Variants in WWTR1 observed in about 807,000 individuals in gnomAD.
WWTR1 encodes the protein WW domain-containing transcription regulator protein 1.
A neutral mutation model predicts 40.1 loss-of-function variants in WWTR1; 13 were observed. The observed-to-expected ratio is 0.32, with a 90% CI of 0.21 to 0.52. The LOEUF is 0.52. Ranked by LOEUF, WWTR1 falls within the 20% of genes least tolerant of loss-of-function variation. The pLI, the probability that WWTR1 is intolerant of heterozygous loss-of-function variation, is 0.97. For missense variants in WWTR1, 436 were observed against 523.1 expected, an observed-to-expected ratio of 0.83 and a Z score of 1.63; for synonymous variants, 230 against 210.1, an observed-to-expected ratio of 1.09 and a Z score of -0.82.
chr3:149,671,557 A>C (rs1714090845), intron 1 of WWTR1, among the ~76,000 whole-genome samples: 1 of 152,214 alleles, frequency 6.6e-6, no homozygotes, highest in Admixed American at 6.5e-5. Context: ...TGTTTGAATA[A>C]TTGCAAAGGT....
upstream of WWTR1, among the ~76,000 whole-genome samples, chr3:149,662,590 A>T (rs2108176234): frequency 6.6e-6 from 1 of 152,194 alleles, no homozygotes; most frequent in Non-Finnish European, 1.5e-5. Flanking sequence ...TCACGACAGG[A>T]CCTTATCTCA....
chr3:149,657,457 A>T, intron 1 of WWTR1, 148 bp from the exon 2 acceptor site: 1 of 944,066 alleles, frequency 1.1e-6, no homozygotes, highest in Non-Finnish European at 1.5e-6. Flanking sequence ...GAGATCCCAG[A>T]CACTCAGCGG....
chr3:149,548,946 T>C, intron 3 of WWTR1, among the ~76,000 whole-genome samples: 1 of 152,106 alleles, frequency 6.6e-6, no homozygotes, highest in South Asian at 2.1e-4. Flanking sequence ...TTCCTAACAG[T>C]ACTTCGGTTC....
intron 2 of WWTR1, among the ~76,000 whole-genome samples, chr3:149,632,444 A>T (rs1711589993): frequency 6.6e-6 from 1 of 152,148 alleles, no homozygotes. Context: ...TACAAAGCTC[A>T]TGAGTACTCT....
At chr3:149,719,290 C>T (rs1715690819) in intron 4 of WWTR1, among the ~76,000 whole-genome samples, 1 of 151,970 alleles carries the variant, frequency 6.6e-6, no homozygotes, top group African/African-American at 2.4e-5. Flanking sequence ...TGGGCCTCAG[C>T]CTCCTGAGTA....
At chr3:149,626,338 C>G (rs1040016945) in intron 2 of WWTR1, among the ~76,000 whole-genome samples, 1 of 152,272 alleles carries the variant, frequency 6.6e-6, no homozygotes, top group Admixed American at 6.5e-5. Context: ...CAGCAGACCA[C>G]GTCCTATAAC....
intron 2 of WWTR1, among the ~76,000 whole-genome samples, chr3:149,634,608 G>A (rs1190180636): frequency 6.6e-6 from 1 of 152,198 alleles, no homozygotes; most frequent in Non-Finnish European, 1.5e-5. Context: ...CAAGGTCCAT[G>A]CACAATAAAT....
chr3:149,718,209 T>C (rs946890281), intron 4 of WWTR1, among the ~76,000 whole-genome samples: 1 of 152,308 alleles, frequency 6.6e-6, no homozygotes, highest in Non-Finnish European at 1.5e-5. Context: ...CGTTCTTTTT[T>C]TCCCCATAAT....
intron 3 of WWTR1, 77 bp from the exon 4 acceptor site, chr3:149,542,614 T>C (rs1038403202): frequency 1.9e-5 from 28 of 1,442,676 alleles, no homozygotes; most frequent in Non-Finnish European, 2.5e-5. Context: ...CAGAATGTTT[T>C]CTGCTTTGGA....
chr3:149,710,841 C>T (rs930528482), intron 5 of WWTR1, among the ~76,000 whole-genome samples: 1 of 151,800 alleles, frequency 6.6e-6, no homozygotes, highest in Admixed American at 6.6e-5. Flanking sequence ...AGCCTCCCAA[C>T]GTGCTGGGAT....
intron 1 of WWTR1, among the ~76,000 whole-genome samples, chr3:149,678,566 C>G (rs533006169): frequency 1.0e-3 from 154 of 152,302 alleles, no homozygotes; most frequent in African/African-American, 2.8e-3. Context: ...CTCTGGAGCC[C>G]TTTGATCCAC....
At chr3:149,535,740 C>T (rs1227336937) in intron 4 of WWTR1, among the ~76,000 whole-genome samples, 1 of 148,646 alleles carries the variant, frequency 6.7e-6, no homozygotes, top group East Asian at 2.0e-4. Flanking sequence ...AGGCCTGGTG[C>T]AGTGGCTCAC....
intron 1 of WWTR1, among the ~76,000 whole-genome samples, chr3:149,696,775 A>G (rs1169299502): frequency 1.3e-5 from 2 of 152,136 alleles, no homozygotes; most frequent in African/African-American, 4.8e-5. Context: ...CCATAGTTAG[A>G]ATGTGATCAC....
chr3:149,526,751 A>G (rs367764547), intron 5 of WWTR1, among the ~76,000 whole-genome samples: 2 of 152,218 alleles, frequency 1.3e-5, no homozygotes, highest in African/African-American at 4.8e-5. Context: ...TTCAGCTACT[A>G]TTTGTTTTTA....
intron 3 of WWTR1, among the ~76,000 whole-genome samples, chr3:149,557,133 C>T (rs904570203): frequency 5.4e-5 from 7 of 129,778 alleles, no homozygotes; most frequent in Non-Finnish European, 9.2e-5. Flanking sequence ...TGCAATGGCA[C>T]GGTCTCAGCT....
upstream of WWTR1, among the ~76,000 whole-genome samples, chr3:149,703,990 A>G (rs1310095369): frequency 6.6e-6 from 1 of 152,112 alleles, no homozygotes; most frequent in Non-Finnish European, 1.5e-5. Context: ...GGACTGATAA[A>G]CCTCTGAGAT....
At chr3:149,574,049 G>A (rs560326599) in intron 2 of WWTR1, among the ~76,000 whole-genome samples, 17 of 150,460 alleles carry the variant, frequency 1.1e-4, no homozygotes, top group African/African-American at 3.4e-4. Context: ...TTGTTTTTTC[G>A]AGACATGATC....
Position 149,667,786 on chromosome 3 carries a change from T to G in WWTR1, c.-4+2002A>C, listed in dbSNP as rs536503464. On this transcript the variant is annotated intron_variant, in intron 2 of 7. Coordinates refer to the WWTR1 transcript ENST00000465804. ...GTTCTACTGAGTCATCATCTCCCATTTTTTGTGAATGATTTTAGACAAGAG... is the reference window on the plus strand; with the variant it reads ...GTTCTACTGAGTCATCATCTCCCATGTTTTGTGAATGATTTTAGACAAGAG... Among the ~76,000 whole-genome samples the G allele has an allele frequency of 7.2e-5, 11 of 152,310 alleles. No homozygotes were observed. The South Asian group carries it at 2.3e-3, about 32-fold the overall frequency.
At chr3:149,521,066 T>G (rs915568534) in intron 6 of WWTR1, 77 bp from the exon 7 acceptor site, 2 of 1,452,888 alleles carry the variant, frequency 1.4e-6, no homozygotes, top group African/African-American at 2.9e-5. Context: ...AGTATTTACA[T>G]AACCCTCACC....
Sources: gnomAD v4.1 joint callset for allele counts (sites outside exome capture counted in the v4.1 genomes callset) on GRCh38, gnomAD v4.1.1 for gene constraint, MANE v1.5 for transcripts, NCBI Gene and HGNC (gene_info 2026-07-23, HGNC 2026-07-21) for gene names.